FLRT2: variants seen among roughly 807,000 people sequenced by gnomAD.
The protein encoded by FLRT2 is leucine-rich repeat transmembrane protein FLRT2.
FLRT2 carries 15 observed loss-of-function variants against 40.0 expected under a neutral mutation model. The ratio of observed to expected loss-of-function variants is 0.38; its 90% CI spans 0.25 to 0.58. FLRT2 has a LOEUF of 0.58. Ranked by LOEUF, FLRT2 falls within the 20% of genes least tolerant of loss-of-function variation. The pLI is 0.71. For synonymous variants in FLRT2, 380 were observed against 336.8 expected (o/e 1.13, Z -1.41); for missense variants, 726 against 840.0 (o/e 0.86, Z 1.68).
chr14:85,602,178 AC>A (rs1322983041), intron 1 of FLRT2, among the ~76,000 whole-genome samples: 1 of 152,206 alleles, frequency 6.6e-6, no homozygotes, highest in Non-Finnish European at 1.5e-5. Context: ...ACATACGTAC[AC>A]CCTGTAAATG....
intron 1 of FLRT2, among the ~76,000 whole-genome samples, chr14:85,542,973 C>T (rs1386478024): frequency 6.6e-6 from 1 of 152,156 alleles, no homozygotes; most frequent in Non-Finnish European, 1.5e-5. Flanking sequence ...CTAAACTTGA[C>T]CTATCTACCT....
chr14:85,617,260 G>T (rs906129904), intron 1 of FLRT2, among the ~76,000 whole-genome samples: 1 of 152,124 alleles, frequency 6.6e-6, no homozygotes, highest in African/African-American at 2.4e-5. Context: ...TCAGCTCTTT[G>T]GATATCATTA....
chr14:85,557,824 A>T (rs7401174), intron 1 of FLRT2, among the ~76,000 whole-genome samples: 57,864 of 149,570 alleles, frequency 0.39, 11,533 homozygotes, highest in African/African-American at 0.46. Flanking sequence ...TTCAATAAAT[A>T]AATAAATTAA....
At chr14:85,538,981 G>T (rs536284267) in intron 1 of FLRT2, among the ~76,000 whole-genome samples, 7 of 152,208 alleles carry the variant, frequency 4.6e-5, no homozygotes, top group African/African-American at 1.7e-4. Flanking sequence ...AGGAAATAAT[G>T]CAAGGAATTA....
At chr14:85,568,655 G>T (rs1316999383) in intron 1 of FLRT2, among the ~76,000 whole-genome samples, 1 of 152,018 alleles carries the variant, frequency 6.6e-6, no homozygotes, top group Non-Finnish European at 1.5e-5. Context: ...CTTCTTCAGG[G>T]ACTCAATGGC....
At chr14:85,571,928 A>C (rs925145051) in intron 1 of FLRT2, among the ~76,000 whole-genome samples, 1 of 152,210 alleles carries the variant, frequency 6.6e-6, no homozygotes, top group South Asian at 2.1e-4. Context: ...TGTAATCTGC[A>C]ACCAGTCTTA....
At chr14:85,606,175 G>C (rs1055414308) in intron 1 of FLRT2, among the ~76,000 whole-genome samples, 13 of 152,158 alleles carry the variant, frequency 8.5e-5, no homozygotes, top group African/African-American at 2.9e-4. Flanking sequence ...GGGACTCTTG[G>C]TGAGCGCACA....
chr14:85,554,875 G>A (rs1889861353), intron 1 of FLRT2, among the ~76,000 whole-genome samples: 1 of 152,166 alleles, frequency 6.6e-6, no homozygotes, highest in Non-Finnish European at 1.5e-5. Flanking sequence ...CCCTGTGGCT[G>A]AAGGTGGTAG....
At chr14:85,563,582 T>C (rs765427585) in intron 1 of FLRT2, among the ~76,000 whole-genome samples, 1 of 151,940 alleles carries the variant, frequency 6.6e-6, no homozygotes, top group East Asian at 1.9e-4. Flanking sequence ...CCACATACTT[T>C]TAAAAAACCA....
At chr14:85,602,600 C>T (rs1302848870) in intron 1 of FLRT2, among the ~76,000 whole-genome samples, 1 of 152,168 alleles carries the variant, frequency 6.6e-6, no homozygotes. Flanking sequence ...TATGATTTGG[C>T]AAATGTTCCA....
chr14:85,544,935 G>A (rs1889194693), intron 1 of FLRT2, among the ~76,000 whole-genome samples: 1 of 152,140 alleles, frequency 6.6e-6, no homozygotes, highest in Non-Finnish European at 1.5e-5. Context: ...GAAGAGGATA[G>A]AGCACAGTTT....
chr14:85,536,197 G>T lies in FLRT2; in HGVS notation c.-377+5663G>T, dbSNP rs118078594. Among the ~76,000 whole-genome samples the T allele has an allele frequency of 4.2e-3, 646 of 152,150 alleles. 4 individuals are homozygous for T. The highest frequency in any genetic ancestry group is 5.8e-3 in the Non-Finnish European group (393 of 67,990). On this transcript the variant is annotated intron_variant, in intron 1 of 1. Transcript: ENST00000330753. ...TACATTTATATTCTGGCCTGCTGGA[G>T]AGTTTGATTTAGGATTTAGACAACT...
chr14:85,552,504 TG>T (rs2139827637), intron 1 of FLRT2, among the ~76,000 whole-genome samples: 1 of 152,274 alleles, frequency 6.6e-6, no homozygotes, highest in Admixed American at 6.5e-5. Flanking sequence ...TGAGTATCAC[TG>T]ATGTTTTTAG....
intron 1 of FLRT2, chr14:85,560,845 A>C (rs1049479904): frequency 6.6e-6 from 1 of 152,074 alleles, no homozygotes; most frequent in Non-Finnish European, 1.5e-5. Context: ...AATGTGAAAA[A>C]TTTTCTTTTC....
At chr14:85,550,973 ATCC>A (rs1437575189) in intron 1 of FLRT2, among the ~76,000 whole-genome samples, 1 of 152,144 alleles carries the variant, frequency 6.6e-6, no homozygotes, top group African/African-American at 2.4e-5. Flanking sequence ...TCATTACCCT[ATCC>A]TCCTCCATGA....
chr14:85,579,176 G>A (rs530224365), intron 1 of FLRT2, among the ~76,000 whole-genome samples: 1 of 152,180 alleles, frequency 6.6e-6, no homozygotes, highest in Non-Finnish European at 1.5e-5. Flanking sequence ...TGGGAGCTGT[G>A]CAGTGGGCTG....
At chr14:85,539,948 T>C (rs1888888661) in intron 1 of FLRT2, among the ~76,000 whole-genome samples, 1 of 152,200 alleles carries the variant, frequency 6.6e-6, no homozygotes, top group Non-Finnish European at 1.5e-5. Flanking sequence ...TTATCTCCTT[T>C]TCTGAGTTTG....
intron 1 of FLRT2, among the ~76,000 whole-genome samples, chr14:85,578,216 GTA>G (rs1416665673): frequency 7.1e-6 from 1 of 140,546 alleles, no homozygotes; most frequent in Non-Finnish European, 1.5e-5. Flanking sequence ...ATAAATATAC[GTA>G]TATATATTTA....
In FLRT2 at chr14:85,621,607, C is replaced by A. The variant is rs1486453424; in HGVS notation, c.93C>A (p.Ser31=). ...IISLGLYSQV[S]KLLACPSVCR... is the part of the protein sequence containing the mutation. ...CCCTGGGGCTCTACTCACAGGTGTC[C>A]AAACTCCTGGCCTGCCCTAGTGTGT... is the stretch of plus-strand genomic sequence containing the variant. The change falls in exon 2 of 2, where the codon TCC becomes TCA. Residue 31 remains serine (S), a synonymous_variant. Transcript: ENST00000330753. 4 of 1,614,014 alleles carry A rather than the reference C, an allele frequency of 2.5e-6. No homozygotes were observed. Among genetic ancestry groups the A allele is most frequent in the African/African-American group, 1.3e-5 (1 of 74,900 alleles).
Sources: allele counts gnomAD v4.1 joint callset (sites outside exome capture counted in the v4.1 genomes callset), GRCh38; gene constraint gnomAD v4.1.1; transcripts MANE v1.5; gene names NCBI Gene and HGNC (gene_info 2026-07-23, HGNC 2026-07-21).